TSHZ3: variants seen among roughly 807,000 people sequenced by gnomAD.
TSHZ3 encodes teashirt zinc finger homeobox 3.
A neutral mutation model predicts 64.5 loss-of-function variants in TSHZ3; 10 were observed. The ratio of observed to expected loss-of-function variants is 0.16; its 90% CI spans 0.10 to 0.26. The LOEUF (loss-of-function observed/expected upper bound fraction) is 0.26, where lower values mean the gene tolerates loss of function less well. Ranked by LOEUF, TSHZ3 falls within the 10% of genes least tolerant of loss-of-function variation. The pLI is 1.00. For missense variants in TSHZ3, 1,242 were observed against 1,421.7 expected (o/e 0.87, Z 2.03); for synonymous variants, 608 against 593.1 (o/e 1.03, Z -0.36).
intron 1 of TSHZ3, among the ~76,000 whole-genome samples, chr19:31,318,931 T>G (rs1257853842): frequency 6.6e-6 from 1 of 152,196 alleles, no homozygotes; most frequent in Admixed American, 6.5e-5. Flanking sequence ...CTCTGGTGCC[T>G]CCTCATGGGC....
chr19:31,224,098 C>G (rs1247646334), intron 4 of TSHZ3, among the ~76,000 whole-genome samples: 1 of 152,206 alleles, frequency 6.6e-6, no homozygotes, highest in Non-Finnish European at 1.5e-5. Context: ...AGTACAGTTA[C>G]TATTTACAGG....
At chr19:31,173,978 G>C (rs564837127) in intron 5 of TSHZ3, among the ~76,000 whole-genome samples, 2 of 152,348 alleles carry the variant, frequency 1.3e-5, no homozygotes, top group East Asian at 3.9e-4. Context: ...TGAGGCAGGA[G>C]AATCACTTGA....
chr19:31,262,587 T>C (rs1975994172), intron 1 of TSHZ3, among the ~76,000 whole-genome samples: 1 of 152,228 alleles, frequency 6.6e-6, no homozygotes, highest in African/African-American at 2.4e-5. Flanking sequence ...AAAAAAAATA[T>C]ATACCGTGGA....
chr19:31,202,404 TC>T lies in TSHZ3; in HGVS notation n.809+2551del, dbSNP rs150350998. On this transcript the variant is annotated intron_variant and non_coding_transcript_variant, in intron 5 of 6. Coordinates refer to the TSHZ3 transcript ENST00000651361. ...ATGTGTATATCAATATATGTATATT[TC>T]TTTTTTTAAATGTGATATTCCAAGC... is the stretch of plus-strand genomic sequence containing the variant. Among the ~76,000 whole-genome samples, 648 of 152,290 alleles carry T rather than the reference TC, an allele frequency of 4.3e-3. 12 individuals are homozygous for T. Among genetic ancestry groups the T allele is most frequent in the East Asian group, 0.041 (213 of 5,160 alleles).
At chr19:31,225,211 T>C (rs1975443997) in intron 4 of TSHZ3, among the ~76,000 whole-genome samples, 1 of 152,190 alleles carries the variant, frequency 6.6e-6, no homozygotes, top group Non-Finnish European at 1.5e-5. Context: ...CATTTGAGCA[T>C]CCCGAATGGC....
At chr19:31,156,289 C>A in intron 6 of TSHZ3, among the ~76,000 whole-genome samples, 1 of 152,154 alleles carries the variant, frequency 6.6e-6, no homozygotes, top group Non-Finnish European at 1.5e-5. Flanking sequence ...ACTGAAAGAA[C>A]AGTTAGGAGC....
At chr19:31,164,066 C>T (rs767809308) in intron 5 of TSHZ3, among the ~76,000 whole-genome samples, 1 of 152,144 alleles carries the variant, frequency 6.6e-6, no homozygotes, top group Non-Finnish European at 1.5e-5. Flanking sequence ...CTCACGTGAG[C>T]GGCTGGCTCC....
chr19:31,199,210 C>T (rs1340359384), intron 5 of TSHZ3, among the ~76,000 whole-genome samples: 4 of 151,934 alleles, frequency 2.6e-5, no homozygotes, highest in Non-Finnish European at 5.9e-5. Context: ...TGGAGACCAT[C>T]CTGGCCAACA....
At chr19:31,290,702 G>A (rs1976549335) in intron 1 of TSHZ3, among the ~76,000 whole-genome samples, 1 of 152,076 alleles carries the variant, frequency 6.6e-6, no homozygotes, top group African/African-American at 2.4e-5. Flanking sequence ...GGGAGACCAG[G>A]GGCCTTCCAG....
chr19:31,212,170 G>C (rs1043979434), intron 4 of TSHZ3, among the ~76,000 whole-genome samples: 4 of 152,036 alleles, frequency 2.6e-5, no homozygotes, highest in Non-Finnish European at 5.9e-5. Flanking sequence ...AAAAAGCAAA[G>C]GGTGGCCAGA....
chr19:31,220,890 G>A (rs371952374), intron 4 of TSHZ3, among the ~76,000 whole-genome samples: 1 of 152,322 alleles, frequency 6.6e-6, no homozygotes, highest in African/African-American at 2.4e-5. Flanking sequence ...TTTCAATGAA[G>A]ACTGAAATGT....
chr19:31,311,913 G>C (rs559403373), intron 1 of TSHZ3, among the ~76,000 whole-genome samples: 1 of 152,150 alleles, frequency 6.6e-6, no homozygotes. Context: ...TAGTAGAGAT[G>C]GGGTTTCACC....
chr19:31,340,338 C>CAAAAAAAAAAAAAAAAAAA lies in TSHZ3; in HGVS notation c.40+8823_40+8841dup, dbSNP rs1160334453. 4.9e-4 allele frequency among the ~76,000 whole-genome samples: 16 copies of CAAAAAAAAAAAAAAAAAAA among 32,752 alleles called. 2 individuals carry two copies. The highest frequency in any genetic ancestry group is 1.1e-3 in the East Asian group (1 of 938). The allele number at this position is 32,752 out of a possible 152,430, so 21.5% of individuals were successfully genotyped here. ...ATTAATTAGCAACAGGCCTACAGTA[C>CAAAAAAAAAAAAAAAAAAA]AAAAAAAAAAAAAAAAAAAAAAAAA... On this transcript the variant is annotated intron_variant, in intron 1 of 1. Transcript: ENST00000240587.
rs1174973470 is a variant in TSHZ3, at chr19:31,349,278, G to C, written c.-59C>G. ...GCCGCCGCTGCCGGGCTGAGGACAG[G>C]GAGGGAGGGGGCGGCGGGCCCGCGG... On this transcript the variant is annotated 5_prime_UTR_variant, in exon 1 of 2. Transcript: ENST00000240587. 3 of 1,343,084 alleles carry C rather than the reference G, an allele frequency of 2.2e-6. No individual in the cohort carries two copies. The highest frequency in any genetic ancestry group is 3.7e-5 in the African/African-American group (1 of 27,180). The allele number at this position is 1,343,084 out of a possible 1,614,324, so 83.2% of individuals were successfully genotyped here. A position where few individuals can be genotyped will look rare whatever the true frequency, so the allele number is the denominator to read the frequency against.
Position 31,226,352 on chromosome 19 carries a change from C to T in TSHZ3, n.686+1653G>A, listed in dbSNP as rs557030290. Among the ~76,000 whole-genome samples the T allele has an allele frequency of 6.6e-5, 10 of 152,214 alleles. No individual in the cohort carries two copies. In the East Asian group the frequency reaches 1.7e-3, roughly 26 times the overall value. On this transcript the variant is annotated intron_variant and non_coding_transcript_variant, in intron 4 of 6. Transcript: ENST00000651361. ...ATAACTGAATCATAAGGGTGGTTTCCCCCACACTGTTCTCATGGTAGTGAA... is the reference window on the plus strand; with the variant it reads ...ATAACTGAATCATAAGGGTGGTTTCTCCCACACTGTTCTCATGGTAGTGAA...
chr19:31,190,299 G>T (rs139501752), intron 5 of TSHZ3, among the ~76,000 whole-genome samples: 77 of 152,222 alleles, frequency 5.1e-4, no homozygotes, highest in African/African-American at 1.8e-3. Flanking sequence ...AGACCTTGGA[G>T]GGGGGAAAGA....
chr19:31,276,648 T>A lies in TSHZ3; in HGVS notation c.3145A>T (p.Thr1049Ser), dbSNP rs746244360. The change falls in exon 2 of 2, where the codon ACC becomes TCC. Residue 1049 changes from threonine (T) to serine (S), a missense_variant. This residue lies in a region of TSHZ3 where 126 missense variants were observed against 140.6 expected (regional missense o/e 0.90). Coordinates refer to ENST00000240587, the MANE Select transcript of TSHZ3 (RefSeq NM_020856.4). The stretch of plus-strand genomic sequence containing the variant: ...TTAACAGCGTGCTTGCTGGCAAAGG[T>A]CCGATTGCAAAGTTTGCACTGATAG... ...TSYQCKLCNR[T>S]FASKHAVKLH... 8.7e-6 allele frequency: 14 copies of A among 1,612,836 alleles called. No homozygotes were observed. In the African/African-American group the frequency reaches 1.6e-4, roughly 18 times the overall value.
intron 1 of TSHZ3, among the ~76,000 whole-genome samples, chr19:31,284,811 C>T (rs1322544804): frequency 6.6e-6 from 1 of 152,200 alleles, no homozygotes; most frequent in Non-Finnish European, 1.5e-5. Flanking sequence ...CCCCAGTTAT[C>T]AGCCGCAACC....
rs1976334583 is a variant in TSHZ3, at chr19:31,279,996, C to T, written c.41-244G>A. On this transcript the variant is annotated intron_variant, in intron 1 of 1. Coordinates refer to ENST00000240587, the MANE Select transcript of TSHZ3 (RefSeq NM_020856.4). The surrounding 1 kb of genome is among the most constrained non-coding windows in gnomAD (Gnocchi z 6.4). ...CTGCTCTTCAAACATAATTTGCCACCTTATTCTTCTCAAGGGGCAACAGCT... is the reference window on the plus strand; with the variant it reads ...CTGCTCTTCAAACATAATTTGCCACTTTATTCTTCTCAAGGGGCAACAGCT... 6.6e-6 allele frequency among the ~76,000 whole-genome samples: 1 copy of T among 151,624 alleles called. No homozygotes were observed. Among genetic ancestry groups the T allele is most frequent in the South Asian group, 2.1e-4 (1 of 4,818 alleles).
Sources: allele counts gnomAD v4.1 joint callset (sites outside exome capture counted in the v4.1 genomes callset), GRCh38; gene constraint gnomAD v4.1.1; regional missense constraint gnomAD v4.1.1; non-coding constraint Gnocchi (gnomAD v3.1); transcripts MANE v1.5; gene names NCBI Gene and HGNC (gene_info 2026-07-23, HGNC 2026-07-21).